The following PPP1R3B variants were observed in gnomAD, a reference collection of about 807,000 sequenced individuals.
PPP1R3B encodes the protein protein phosphatase 1 regulatory subunit 3B.
In PPP1R3B, 8 loss-of-function variants were observed where a neutral mutation model predicts 14.6. The observed-to-expected ratio is 0.55, with a 90% CI of 0.32 to 0.99. The LOEUF is 0.99. Among genes scored for constraint, PPP1R3B ranks in the 50% least tolerant of loss-of-function variants. The pLI, the probability that PPP1R3B is intolerant of heterozygous loss-of-function variation, is 0.04. For synonymous variants in PPP1R3B, 169 were observed against 142.0 expected (o/e 1.19, Z -1.35); for missense variants, 452 against 360.1 (o/e 1.26, Z -2.07).
chr8:9,137,260 C>T lies in PPP1R3B; in HGVS notation c.*3534G>A, dbSNP rs1308761631. 2 of 152,178 alleles carry T rather than the reference C, an allele frequency of 1.3e-5. No individual in the cohort carries two copies. Among genetic ancestry groups the T allele is most frequent in the Non-Finnish European group, 2.9e-5 (2 of 68,032 alleles). The allele number at this position is 152,178 out of a possible 1,614,324, so 9.4% of individuals were successfully genotyped here. On this transcript the variant is annotated 3_prime_UTR_variant, in exon 2 of 2. Transcript: ENST00000310455. ...TATTAAATATCTTTGTATAATCCAG[C>T]TTATTTATTGTACCCAGTTTGCAAA...
intron 1 of PPP1R3B, among the ~76,000 whole-genome samples, chr8:9,145,894 G>A (rs1014705520): frequency 6.6e-6 from 1 of 151,650 alleles, no homozygotes; most frequent in Non-Finnish European, 1.5e-5. Context: ...TTATAAGACA[G>A]GATCTTGCTG....
chr8:9,141,157 C>A lies in PPP1R3B; in HGVS notation c.495G>T (p.Thr165=), dbSNP rs138887555. 1 of 1,614,100 alleles carries A rather than the reference C, an allele frequency of 6.2e-7. No individual in the cohort carries two copies. The highest frequency in any genetic ancestry group is 8.5e-7 in the Non-Finnish European group (1 of 1,180,014). Residue 165 remains threonine, a synonymous_variant, in exon 2 of 2, where the codon ACG becomes ACT. Transcript: ENST00000310455. ...CTGTGTAGCTCTTCCAGGTGTCGAA[C>A]GTCATCCTTATTTTCACGGTCTTCT... ...AFEKTVKIRM[T]FDTWKSYTDF...
At chr8:9,144,459 G>T (rs1256248415) in intron 1 of PPP1R3B, among the ~76,000 whole-genome samples, 1 of 152,154 alleles carries the variant, frequency 6.6e-6, no homozygotes, top group East Asian at 1.9e-4. Context: ...CTCCCAAAAT[G>T]CTGGGATTTA....
chr8:9,145,875 A>AG (rs1801225951), intron 1 of PPP1R3B, among the ~76,000 whole-genome samples: 1 of 134,658 alleles, frequency 7.4e-6, no homozygotes, highest in Non-Finnish European at 1.7e-5. Flanking sequence ...AAAGCTGAGC[A>AG]CTTTTTTTTT....
In PPP1R3B at chr8:9,141,079, C is replaced by T. The variant is rs758018996; in HGVS notation, c.573G>A (p.Thr191=). Residue 191 remains threonine (T), a synonymous_variant, in exon 2 of 2, where the codon ACG becomes ACA. Coordinates refer to ENST00000310455, the MANE Select transcript of PPP1R3B (RefSeq NM_024607.4). The part of the protein sequence containing the change: ...KDTYAGSDRD[T]FSFDISLPEK... ...CGGGCAAGCTGATGTCGAAGGAGAA[C>T]GTGTCCCTGTCTGAACCGGCATAAG... 1.4e-5 allele frequency: 22 copies of T among 1,614,074 alleles called. No individual in the cohort carries two copies. In the Admixed American group the frequency reaches 2.8e-4, roughly 21 times the overall value.
intron 1 of PPP1R3B, among the ~76,000 whole-genome samples, chr8:9,150,341 TC>T (rs1232952087): frequency 1.3e-5 from 2 of 152,114 alleles, no homozygotes; most frequent in Non-Finnish European, 2.9e-5. Context: ...CCCCAAATCT[TC>T]CAGTAAGTCA....
intron 1 of PPP1R3B, among the ~76,000 whole-genome samples, chr8:9,147,853 A>G (rs1444441000): frequency 6.6e-6 from 1 of 151,996 alleles, no homozygotes; most frequent in Non-Finnish European, 1.5e-5. Flanking sequence ...TGAAAGGCAA[A>G]AGTAAGGTTA....
intron 1 of PPP1R3B, among the ~76,000 whole-genome samples, chr8:9,147,989 C>G (rs895342713): frequency 6.6e-6 from 1 of 152,134 alleles, no homozygotes; most frequent in Non-Finnish European, 1.5e-5. Context: ...TGTGTGGCCT[C>G]AATCTGGGGT....
rs1800889643 is a variant in PPP1R3B, at chr8:9,136,372, G to A, written c.*4422C>T. 1 of 152,166 alleles carries A rather than the reference G, an allele frequency of 6.6e-6. No homozygotes were observed. The highest frequency in any genetic ancestry group is 2.1e-4 in the South Asian group (1 of 4,824). The allele number at this position is 152,166 out of a possible 1,614,324, so 9.4% of individuals were successfully genotyped here. A position where few individuals can be genotyped will look rare whatever the true frequency, so the allele number is the denominator to read the frequency against. ...AAGTGCATTTCCCCTTGAACTCTGTGTACAAAAATATTTATCTTTTAAAAC... is the reference window on the plus strand; with the variant it reads ...AAGTGCATTTCCCCTTGAACTCTGTATACAAAAATATTTATCTTTTAAAAC... On this transcript the variant is annotated 3_prime_UTR_variant, in exon 2 of 2. Transcript: ENST00000310455.
At chr8:9,141,754 A>C (rs1467104062) in intron 1 of PPP1R3B, 86 bp from the exon 2 acceptor site, 1 of 1,298,160 alleles carries the variant, frequency 7.7e-7, no homozygotes, top group Non-Finnish European at 1.0e-6. Flanking sequence ...TCCAGCAGGG[A>C]CTGGCAAACA....
rs895490443 is a variant in PPP1R3B, at chr8:9,137,429, C to T, written c.*3365G>A. 4 of 152,160 alleles carry T rather than the reference C, an allele frequency of 2.6e-5. No individual in the cohort carries two copies. Among genetic ancestry groups the T allele is most frequent in the African/African-American group, 9.7e-5 (4 of 41,422 alleles). 9.4% of individuals were successfully genotyped at this position (152,160 alleles called of 1,614,324 possible). ...CTGGGACTCGGGGGCCACTTGTAAC[C>T]ATAACCAAGAGCTGTCTGAAGGCAA... On this transcript the variant is annotated 3_prime_UTR_variant, in exon 2 of 2. Coordinates refer to ENST00000310455, the MANE Select transcript of PPP1R3B (RefSeq NM_024607.4).
At chr8:9,148,137 G>C (rs142037355) in intron 1 of PPP1R3B, among the ~76,000 whole-genome samples, 1 of 152,180 alleles carries the variant, frequency 6.6e-6, no homozygotes, top group Non-Finnish European at 1.5e-5. Flanking sequence ...ACTCCCCAGC[G>C]GACTGTGACA....
rs1800969189 is a variant in PPP1R3B at position 9,138,609 on chromosome 8, A to G, written c.*2185T>C. On this transcript the variant is annotated 3_prime_UTR_variant, in exon 2 of 2. Coordinates refer to ENST00000310455, the MANE Select transcript of PPP1R3B (RefSeq NM_024607.4). ...AAGCCACAAATGGGAGGTCTTTTCA[A>G]ATTAATCTGGAAAATCCAAGCACAA... 1 of 152,160 alleles carries G rather than the reference A, an allele frequency of 6.6e-6. No homozygotes were observed. Among genetic ancestry groups the G allele is most frequent in the African/African-American group, 2.4e-5 (1 of 41,442 alleles). 9.4% of individuals were successfully genotyped at this position (152,160 alleles called of 1,614,324 possible).
Position 9,140,697 on chromosome 8 carries a change from T to G in PPP1R3B, c.*97A>C. On this transcript the variant is annotated 3_prime_UTR_variant, in exon 2 of 2. Transcript: ENST00000310455. The stretch of plus-strand genomic sequence containing the variant: ...TTCCCAAACGGGGCCTCATGGAAGT[T>G]CCACGTTGCTCCTCCCTGGCCTTCC... 3 of 1,311,312 alleles carry G rather than the reference T, an allele frequency of 2.3e-6. No individual in the cohort carries two copies. The highest frequency in any genetic ancestry group is 3.2e-6 in the Non-Finnish European group (3 of 951,690). 81.2% of individuals were successfully genotyped at this position (1,311,312 alleles called of 1,614,324 possible).
chr8:9,137,459 A>AC lies in PPP1R3B; in HGVS notation c.*3334dup, dbSNP rs1800924381. The AC allele has an allele frequency of 6.6e-6, 1 of 152,188 alleles. No homozygotes were observed. Among genetic ancestry groups the AC allele is most frequent in the Admixed American group, 6.5e-5 (1 of 15,282 alleles). 9.4% of individuals were successfully genotyped at this position (152,188 alleles called of 1,614,324 possible). A position where few individuals can be genotyped will look rare whatever the true frequency, so the allele number is the denominator to read the frequency against. ...CCAAGAGCTGTCTGAAGGCAAATCT[A>AC]CAAGTCAAGGTGCAGTGAAGTCTCC... On this transcript the variant is annotated 3_prime_UTR_variant, in exon 2 of 2. Transcript: ENST00000310455.
intron 1 of PPP1R3B, among the ~76,000 whole-genome samples, chr8:9,147,125 C>T (rs897912569): frequency 1.3e-5 from 2 of 151,870 alleles, no homozygotes; most frequent in Non-Finnish European, 2.9e-5. Context: ...TGGGACTACT[C>T]GTGCCACCAC....
At chr8:9,148,306 C>T (rs1371151488) in intron 1 of PPP1R3B, among the ~76,000 whole-genome samples, 1 of 152,212 alleles carries the variant, frequency 6.6e-6, no homozygotes, top group Non-Finnish European at 1.5e-5. Flanking sequence ...GCCCAGCCTC[C>T]TCTCCTGACA....
At position 9,139,934 on chromosome 8, in the gene PPP1R3B, G is replaced by T. The variant is rs1051089694; in HGVS notation, c.*860C>A. ...TCGGGGGAAAAATCAGATTTTTCCGGTGACTCGGGGTAAATGTGGGGACTT... is the reference window on the plus strand; with the variant it reads ...TCGGGGGAAAAATCAGATTTTTCCGTTGACTCGGGGTAAATGTGGGGACTT... On this transcript the variant is annotated 3_prime_UTR_variant, in exon 2 of 2. Coordinates refer to ENST00000310455, the MANE Select transcript of PPP1R3B (RefSeq NM_024607.4). 2 of 152,164 alleles carry T rather than the reference G, an allele frequency of 1.3e-5. No individual in the cohort carries two copies. The highest frequency in any genetic ancestry group is 4.8e-5 in the African/African-American group (2 of 41,432). 9.4% of individuals were successfully genotyped at this position (152,164 alleles called of 1,614,324 possible). A position where few individuals can be genotyped will look rare whatever the true frequency, so the allele number is the denominator to read the frequency against.
chr8:9,148,586 G>C (rs1458047481), intron 1 of PPP1R3B, among the ~76,000 whole-genome samples: 1 of 152,206 alleles, frequency 6.6e-6, no homozygotes, highest in Non-Finnish European at 1.5e-5. Flanking sequence ...GGCCATGCTT[G>C]AGGGTAGATT....
Sources: allele counts gnomAD v4.1 joint callset (sites outside exome capture counted in the v4.1 genomes callset), GRCh38; gene constraint gnomAD v4.1.1; transcripts MANE v1.5; gene names NCBI Gene and HGNC (gene_info 2026-07-23, HGNC 2026-07-21).